The following SOX6 variants were observed in gnomAD, a reference collection of about 807,000 sequenced individuals.
SOX6 encodes the protein transcription factor SOX-6.
Under a neutral mutation model 97.8 loss-of-function variants are expected in SOX6, and 11 were observed. The observed-to-expected ratio is 0.11, with a 90% CI of 0.07 to 0.19. The LOEUF (loss-of-function observed/expected upper bound fraction) is 0.19. Among genes scored for constraint, SOX6 ranks in the 10% least tolerant of loss-of-function variants. The pLI, the probability that SOX6 is intolerant of heterozygous loss-of-function variation, is 1.00. For missense variants in SOX6, 810 were observed against 1,039.5 expected (o/e 0.78, Z 3.04); for synonymous variants, 360 against 371.4 (o/e 0.97, Z 0.35).
intron 4 of SOX6, chr11:16,576,771 A>G (rs893524132): frequency 6.6e-6 from 1 of 152,344 alleles, no homozygotes; most frequent in Non-Finnish European, 1.5e-5. Context: ...CATTTAATAG[A>G]CCCTATATGA....
At position 16,264,864 on chromosome 11, in the gene SOX6, A is replaced by AG. The variant is rs1359821872; in HGVS notation, c.446-30194_446-30193insC. The AG allele has an allele frequency of 5.3e-5, 8 of 151,242 alleles. No individual in the cohort carries two copies. The East Asian group carries it at 7.7e-4, about 15-fold the overall frequency. The allele number at this position is 151,242 out of a possible 1,614,324, so 9.4% of individuals were successfully genotyped here. A position where few individuals can be genotyped will look rare whatever the true frequency, so the allele number is the denominator to read the frequency against. ...TTACCCTCCTGCAAAAAAAAAAAAA[A>AG]AAGAAGCTTAAAAAACTTTGAGAAA... On this transcript the variant is annotated intron_variant, in intron 3 of 15. Coordinates refer to ENST00000683767, the MANE Select transcript of SOX6 (RefSeq NM_001367873.1).
intron 12 of SOX6, among the ~76,000 whole-genome samples, chr11:16,032,960 C>T (rs1253406217): frequency 6.6e-6 from 1 of 152,176 alleles, no homozygotes; most frequent in Non-Finnish European, 1.5e-5. Context: ...CTTTTATCTT[C>T]ATTAGCTTAA....
intron 6 of SOX6, among the ~76,000 whole-genome samples, chr11:16,144,219 A>T (rs936675554): frequency 6.6e-6 from 1 of 152,220 alleles, no homozygotes. Context: ...ACTCAACTAC[A>T]TGGAAACTGA....
intron 3 of SOX6, among the ~76,000 whole-genome samples, chr11:16,637,923 T>G (rs550688959): frequency 1.3e-5 from 2 of 152,162 alleles, no homozygotes; most frequent in African/African-American, 4.8e-5. Context: ...CTTTTTTTTT[T>G]TTTTTATACT....
intron 3 of SOX6, among the ~76,000 whole-genome samples, chr11:16,707,883 G>A (rs1336771107): frequency 6.6e-6 from 1 of 152,108 alleles, no homozygotes; most frequent in Admixed American, 6.5e-5. Flanking sequence ...CCCTTCATCA[G>A]ATGGGTTACT....
chr11:16,523,908 A>G (rs1466117832), intron 4 of SOX6, among the ~76,000 whole-genome samples: 1 of 152,220 alleles, frequency 6.6e-6, no homozygotes, highest in Non-Finnish European at 1.5e-5. Context: ...TCCTCAACAC[A>G]TACACCCTCC....
chr11:16,064,408 C>T (rs1024794910), intron 9 of SOX6, among the ~76,000 whole-genome samples: 1 of 151,260 alleles, frequency 6.6e-6, no homozygotes, highest in East Asian at 1.9e-4. Flanking sequence ...ATTAAGTAGC[C>T]TACCAGAATC....
chr11:16,282,348 T>C (rs946140301), intron 3 of SOX6, among the ~76,000 whole-genome samples: 16 of 151,648 alleles, frequency 1.1e-4, no homozygotes, highest in Non-Finnish European at 2.1e-4. Flanking sequence ...CAGATATTCA[T>C]TTATTTTACT....
At chr11:16,221,061 C>T (rs921157095) in intron 4 of SOX6, among the ~76,000 whole-genome samples, 3 of 151,938 alleles carry the variant, frequency 2.0e-5, no homozygotes, top group Admixed American at 6.6e-5. Flanking sequence ...AGGTTCTAGT[C>T]CAGCAGTTCT....
At chr11:16,123,394 T>C (rs574035619) in intron 6 of SOX6, among the ~76,000 whole-genome samples, 1 of 152,080 alleles carries the variant, frequency 6.6e-6, no homozygotes, top group East Asian at 1.9e-4. Context: ...TATTGACAGC[T>C]GGGGCTCAGC....
chr11:15,995,466 C>T (rs1286144943), intron 13 of SOX6, among the ~76,000 whole-genome samples: 3 of 152,084 alleles, frequency 2.0e-5, no homozygotes, highest in African/African-American at 7.2e-5. Context: ...TAATAGAATA[C>T]AGAGTATCTA....
intron 7 of SOX6, among the ~76,000 whole-genome samples, chr11:16,105,810 C>A (rs1849064919): frequency 6.6e-6 from 1 of 151,952 alleles, no homozygotes; most frequent in African/African-American, 2.4e-5. Context: ...TAGAAAATCC[C>A]AAAGAGTCCC....
intron 15 of SOX6, among the ~76,000 whole-genome samples, chr11:15,974,029 T>C (rs1279452886): frequency 1.3e-5 from 2 of 152,222 alleles, no homozygotes; most frequent in Admixed American, 6.5e-5. Context: ...TCAGAGACTA[T>C]GGCGAAAATA....
At chr11:15,980,554 C>T (rs1853625048) in intron 15 of SOX6, among the ~76,000 whole-genome samples, 1 of 152,072 alleles carries the variant, frequency 6.6e-6, no homozygotes, top group South Asian at 2.1e-4. Flanking sequence ...CTTTCAATGG[C>T]TTCCAAAATC....
At chr11:16,366,702 A>G (rs1857367657) in intron 1 of SOX6, among the ~76,000 whole-genome samples, 1 of 152,194 alleles carries the variant, frequency 6.6e-6, no homozygotes. Context: ...CTCAAAGTGA[A>G]CCACTGTTTA....
chr11:15,985,169 A>T (rs1474105164), intron 15 of SOX6, among the ~76,000 whole-genome samples: 1 of 152,160 alleles, frequency 6.6e-6, no homozygotes, highest in African/African-American at 2.4e-5. Flanking sequence ...TTTTAAACAC[A>T]TGCTCTGAAA....
rs535649490 is a variant in SOX6 at position 16,643,994 on chromosome 11, G to A, written n.430-31734C>T. Among the ~76,000 whole-genome samples, 3 of 152,290 alleles carry A rather than the reference G, an allele frequency of 2.0e-5. No individual in the cohort carries two copies. The East Asian group carries it at 5.8e-4, about 29-fold the overall frequency. ...GAAATGCAGAAATCATCCATCTTCT[G>A]CATCGCTCATGCTGGGAGCTGTAGA... On this transcript the variant is annotated intron_variant and non_coding_transcript_variant, in intron 3 of 5. Transcript: ENST00000524520.
intron 9 of SOX6, among the ~76,000 whole-genome samples, chr11:16,094,449 C>G (rs998867339): frequency 9.9e-5 from 15 of 151,850 alleles, no homozygotes; most frequent in African/African-American, 3.6e-4. Flanking sequence ...AAAAGTCCAA[C>G]AGGAAAGTCC....
At chr11:16,442,984 C>T (rs1165989260) in intron 1 of SOX6, among the ~76,000 whole-genome samples, 1 of 152,102 alleles carries the variant, frequency 6.6e-6, no homozygotes, top group Admixed American at 6.6e-5. Flanking sequence ...CCAATCCTTT[C>T]CCCCATTCCC....
Sources: allele counts gnomAD v4.1 joint callset (sites outside exome capture counted in the v4.1 genomes callset), GRCh38; gene constraint gnomAD v4.1.1; transcripts MANE v1.5; gene names NCBI Gene and HGNC (gene_info 2026-07-23, HGNC 2026-07-21).